NFKB2: variants seen among roughly 807,000 people sequenced by gnomAD.
NFKB2 encodes nuclear factor NF-kappa-B p100 subunit.
Under a neutral mutation model 109.3 loss-of-function variants are expected in NFKB2, and 21 were observed. The ratio of observed to expected loss-of-function variants is 0.19; its 90% CI spans 0.14 to 0.28. The LOEUF is 0.28. NFKB2 is among the 10% of genes least tolerant of loss of function. NFKB2 has a pLI of 1.00. For synonymous variants in NFKB2, 478 were observed against 489.9 expected (o/e 0.98, Z 0.32); for missense variants, 806 against 1,185.3 (o/e 0.68, Z 4.70).
rs962076374 is a variant in NFKB2, at chr10:102,396,576, T to C, written c.144+87T>C. 2.5e-6 allele frequency: 4 copies of C among 1,602,310 alleles called. No homozygotes were observed. In the South Asian group the frequency reaches 3.3e-5, roughly 13 times the overall value. On this transcript the variant is annotated intron_variant, in intron 4 of 22. Transcript: ENST00000661543. This position sits in a 1 kb window ranked among gnomAD's most constrained non-coding sequence, Gnocchi z 5.9. The stretch of plus-strand genomic sequence containing the variant: ...TAGCTGGCTGGCCATGGAGGAGCCA[T>C]TGCCGAAGGAGGCCACAGGGGATTG...
rs367643480 is a variant in NFKB2 at position 102,398,711 on chromosome 10, G to A, written c.992-28G>A. 10 of 1,612,064 alleles carry A rather than the reference G, an allele frequency of 6.2e-6. No homozygotes were observed. Among genetic ancestry groups the A allele is most frequent in the African/African-American group, 1.3e-5 (1 of 74,884 alleles). On this transcript the variant is annotated intron_variant, in intron 11 of 22. Coordinates refer to ENST00000661543, the MANE Select transcript of NFKB2 (RefSeq NM_001322934.2). This position sits in a 1 kb window ranked among gnomAD's most constrained non-coding sequence, Gnocchi z 6.6. ...CCCTGAGGCATGACACAATAACTGG[G>A]CTCAATCTCATTTTCCTCTGCCCCC... is the stretch of plus-strand genomic sequence containing the variant.
In NFKB2 at chr10:102,398,310, A is replaced by AGGGCCC. The variant is rs971747375; in HGVS notation, c.852+24_852+29dup. 12 of 1,614,008 alleles carry AGGGCCC rather than the reference A, an allele frequency of 7.4e-6. No individual in the cohort carries two copies. The highest frequency in any genetic ancestry group is 2.2e-5 in the East Asian group (1 of 44,886). On this transcript the variant is annotated intron_variant, in intron 10 of 22. Transcript: ENST00000661543. The surrounding 1 kb of genome is among the most constrained non-coding windows in gnomAD (Gnocchi z 6.6). ...TGTGCATAAACAGGTACCCAGGGCT[A>AGGGCCC]GGGCCCGGGCCCGGGCTGGGGGCTA... is the stretch of plus-strand genomic sequence containing the variant.
chr10:102,398,720 C>T lies in NFKB2; in HGVS notation c.992-19C>T, dbSNP rs1178607850. 1.2e-6 allele frequency: 2 copies of T among 1,612,194 alleles called. No individual in the cohort carries two copies. The highest frequency in any genetic ancestry group is 1.7e-6 in the Non-Finnish European group (2 of 1,180,006). On this transcript the variant is annotated intron_variant, in intron 11 of 22. Transcript: ENST00000661543. The surrounding 1 kb of genome is among the most constrained non-coding windows in gnomAD (Gnocchi z 6.6). ...ATGACACAATAACTGGGCTCAATCT[C>T]ATTTTCCTCTGCCCCCAGACAAGGA...
At chr10:102,399,251 T>C (rs926565224) in intron 12 of NFKB2, 37 bp from the exon 13 acceptor site, 6 of 1,521,542 alleles carry the variant, frequency 3.9e-6, no homozygotes, top group African/African-American at 2.8e-5. Context: ...GAGTCATGGC[T>C]GGTGCCCGCT....
Position 102,400,965 on chromosome 10 carries a change from G to T in NFKB2, c.1987G>T (p.Ala663Ser), listed in dbSNP as rs759662244. The T allele has an allele frequency of 4.3e-6, 7 of 1,613,550 alleles. No homozygotes were observed. The East Asian group carries it at 6.7e-5, about 15-fold the overall frequency. ...CCCCCAGCTCCGGGCCAACGTGAAC[G>T]CTCGCACCTTTGCGGGAAACACACC... ...LVTKLRANVN[A>S]RTFAGNTPLH... Residue 663 changes from alanine to serine, a missense_variant, in exon 18 of 23, where the codon GCT becomes TCT. Around this residue, in one of 10 missense-constraint regions of NFKB2, gnomAD observed 24 missense variants for 23.5 expected, o/e 1.02. Coordinates refer to ENST00000661543, the MANE Select transcript of NFKB2 (RefSeq NM_001322934.2). This position sits in a 1 kb window ranked among gnomAD's most constrained non-coding sequence, Gnocchi z 6.3.
Position 102,402,440 on chromosome 10 carries a change from C to T in NFKB2, c.*64C>T. ...TACAGCGTCCCCACCTATTTCAAAT[C>T]TTATTTAACACCCCACACCCACCCC... is the stretch of plus-strand genomic sequence containing the variant. On this transcript the variant is annotated 3_prime_UTR_variant, in exon 23 of 23. Transcript: ENST00000661543. The T allele has an allele frequency of 1.1e-6, 1 of 934,702 alleles. No individual in the cohort carries two copies. Among genetic ancestry groups the T allele is most frequent in the Non-Finnish European group, 1.6e-6 (1 of 617,374 alleles). 57.9% of individuals were successfully genotyped at this position (934,702 alleles called of 1,614,324 possible).
Position 102,401,751 on chromosome 10 carries a change from G to A in NFKB2, c.2300G>A (p.Gly767Glu). Reference protein sequence around the residue: ...PLTPPSPAGPGLSLGDTALQN... With the variant: ...PLTPPSPAGPELSLGDTALQN... ...GTATGTGTGTCCCCCTAAGGGCCGG[G>A]ACTGTCACTTGGTGATACAGCTCTG... Residue 767 changes from glycine to glutamate, a missense_variant, in exon 21 of 23, where the codon GGA becomes GAA. Coordinates refer to ENST00000661543, the MANE Select transcript of NFKB2 (RefSeq NM_001322934.2). This position sits in a 1 kb window ranked among gnomAD's most constrained non-coding sequence, Gnocchi z 4.2. The A allele has an allele frequency of 1.2e-6, 2 of 1,601,364 alleles. No individual in the cohort carries two copies. The highest frequency in any genetic ancestry group is 2.2e-5 in the East Asian group (1 of 44,686).
rs2061202547 is a variant in NFKB2, at chr10:102,400,107, G to A, written c.1497G>A (p.Gly499=). ...DTPLHLAIIH[G]QTSVIEQIVY... ...CACTGCACCTAGCCATCATCCACGG[G>A]CAGACCAGTGTCATTGAGCAGATAG... The change falls in exon 15 of 23, where the codon GGG becomes GGA. Residue 499 remains glycine, a synonymous_variant. Coordinates refer to ENST00000661543, the MANE Select transcript of NFKB2 (RefSeq NM_001322934.2). This position sits in a 1 kb window ranked among gnomAD's most constrained non-coding sequence, Gnocchi z 6.3. The A allele has an allele frequency of 1.2e-6, 2 of 1,613,990 alleles. No individual in the cohort carries two copies. Among genetic ancestry groups the A allele is most frequent in the Admixed American group, 1.7e-5 (1 of 59,990 alleles).
upstream of NFKB2, chr10:102,395,632 G>A (rs1481063041): frequency 4.2e-6 from 2 of 477,868 alleles, no homozygotes; most frequent in African/African-American, 1.9e-5. Flanking sequence ...CGGGGCCAGT[G>A]GCGTCATTTC....
Position 102,401,907 on chromosome 10 carries a change from G to T in NFKB2, c.2456G>T (p.Arg819Leu). Residue 819 changes from arginine to leucine, a missense_variant, in exon 21 of 23, where the codon CGC (arginine) becomes CTC (leucine). Transcript: ENST00000661543. This position sits in a 1 kb window ranked among gnomAD's most constrained non-coding sequence, Gnocchi z 4.2. Reference protein sequence around the residue: ...QTTSPSGSLLRSYELAGGDLA... With the variant: ...QTTSPSGSLLLSYELAGGDLA... ...ACCTCACCCAGTGGCAGCCTCCTGC[G>T]CAGCTACGAGGTGGGTTGGCCTGTG... The T allele has an allele frequency of 6.2e-7, 1 of 1,611,616 alleles. No individual in the cohort carries two copies. The highest frequency in any genetic ancestry group is 8.5e-7 in the Non-Finnish European group (1 of 1,178,794).
rs55847683 is a variant in NFKB2 at position 102,399,382 on chromosome 10, G to T, written c.1212G>T (p.Gly404=). Residue 404 remains glycine, a synonymous_variant, in exon 13 of 23, where the codon GGG becomes GGT. Coordinates refer to ENST00000661543, the MANE Select transcript of NFKB2 (RefSeq NM_001322934.2). ...PMGCYPGGGG[G]AQMAATVPSR... ...GCTGCTACCCGGGAGGCGGGGGCGG[G>T]GCGCAGATGGCCGCCACGGTGCCCA... The T allele has an allele frequency of 2.3e-3, 3,513 of 1,544,698 alleles. 115 individuals are homozygous for T. In the East Asian group the frequency reaches 0.068, roughly 30 times the overall value.
Position 102,402,151 on chromosome 10 carries a change from C to G in NFKB2, c.2570C>G (p.Pro857Arg). The stretch of plus-strand genomic sequence containing the variant: ...GGTCCAGAAACCCGAGACAAGCTGC[C>G]CAGCACAGGTAAAGGGGCCTCCCTG... ...LRGPETRDKL[P>R]STAEVKEDSA... Residue 857 changes from proline (P) to arginine (R), a missense_variant, in exon 22 of 23, where the codon CCC becomes CGC. Pro to Arg is a moderately radical substitution (Grantham distance 103). This residue lies in a region of NFKB2 where 211 missense variants were observed against 268.7 expected (regional missense o/e 0.79). Transcript: ENST00000661543. 1 of 1,573,444 alleles carries G rather than the reference C, an allele frequency of 6.4e-7. No individual in the cohort carries two copies. The highest frequency in any genetic ancestry group is 8.6e-7 in the Non-Finnish European group (1 of 1,158,934).
intron 21 of NFKB2, 36 bp from the exon 22 acceptor site, chr10:102,402,012 A>G (rs1338079528): frequency 1.3e-6 from 2 of 1,574,598 alleles, no homozygotes; most frequent in Non-Finnish European, 1.7e-6. Flanking sequence ...CACATGCCCT[A>G]ACCATGACTC....
In NFKB2 at chr10:102,396,765, A is replaced by G; in HGVS notation, c.185A>G (p.His62Arg). The G allele has an allele frequency of 6.2e-7, 1 of 1,613,332 alleles. No homozygotes were observed. Among genetic ancestry groups the G allele is most frequent in the Non-Finnish European group, 8.5e-7 (1 of 1,179,358 alleles). ...RFRYGCEGPS[H>R]GGLPGASSEK... ...CGATATGGCTGTGAAGGCCCCTCCC[A>G]TGGAGGACTGCCCGGTGCCTCCAGT... The change falls in exon 5 of 23, where the codon CAT (histidine) becomes CGT (arginine). Residue 62 changes from histidine (H) to arginine (R), a missense_variant. Physicochemically the swap from His to Arg is conservative, Grantham distance 29. This residue lies in a region of NFKB2 where 24 missense variants were observed against 105.2 expected (regional missense o/e 0.23). Coordinates refer to ENST00000661543, the MANE Select transcript of NFKB2 (RefSeq NM_001322934.2). This position sits in a 1 kb window ranked among gnomAD's most constrained non-coding sequence, Gnocchi z 5.9.
In NFKB2 at chr10:102,396,972, T is replaced by C; in HGVS notation, c.312T>C (p.Ala104=). 4 of 1,613,686 alleles carry C rather than the reference T, an allele frequency of 2.5e-6. No individual in the cohort carries two copies. The highest frequency in any genetic ancestry group is 3.4e-6 in the Non-Finnish European group (4 of 1,179,696). Residue 104 remains alanine (A), a synonymous_variant, in exon 6 of 23, where the codon GCT becomes GCC. Transcript: ENST00000661543. The surrounding 1 kb of genome is among the most constrained non-coding windows in gnomAD (Gnocchi z 5.9). ...DLVTHSDPPR[A]HAHSLVGKQC... is the part of the protein sequence containing the mutation. ...TAACACACAGTGACCCACCTCGTGC[T>C]CATGCCCACAGTCTGGTGGGCAAGC... is the stretch of plus-strand genomic sequence containing the variant.
rs1437879212 is a variant in NFKB2 at position 102,400,835 on chromosome 10, G to A, written c.1968+11G>A. 1 of 1,585,502 alleles carries A rather than the reference G, an allele frequency of 6.3e-7. No homozygotes were observed. Among genetic ancestry groups the A allele is most frequent in the Non-Finnish European group, 8.6e-7 (1 of 1,164,152 alleles). ...CATCTGGTCACCAAGGTGGGACTGA[G>A]GATTGTGGAAGGAGTGGGGCCAAGG... On this transcript the variant is annotated intron_variant, in intron 17 of 22. Coordinates refer to ENST00000661543, the MANE Select transcript of NFKB2 (RefSeq NM_001322934.2). The surrounding 1 kb of genome is among the most constrained non-coding windows in gnomAD (Gnocchi z 6.3).
In NFKB2 at chr10:102,398,774, T is replaced by TTGCCCACCTTCTCCCAGCCC; in HGVS notation, c.1029_1048dup (p.Phe350CysfsTer139). ...GGTGCAGCGGAAGCGGAGGAAGGCC[T>TTGCCCACCTTCTCCCAGCCC]TGCCCACCTTCTCCCAGCCCTTCGG... On this transcript the variant is annotated frameshift_variant, in exon 12 of 23. Transcript: ENST00000661543. LOFTEE classifies it high-confidence loss of function. The surrounding 1 kb of genome is among the most constrained non-coding windows in gnomAD (Gnocchi z 6.6). The TTGCCCACCTTCTCCCAGCCC allele has an allele frequency of 6.2e-7, 1 of 1,612,582 alleles. No homozygotes were observed. The highest frequency in any genetic ancestry group is 8.5e-7 in the Non-Finnish European group (1 of 1,179,864).
At chr10:102,394,440 G>C (rs930982793), upstream of NFKB2, 3 of 152,786 alleles carry the variant, frequency 2.0e-5, no homozygotes, top group African/African-American at 7.2e-5. Flanking sequence ...CAATGAAAAA[G>C]GGCGCGAGGC....
At position 102,401,592 on chromosome 10, in the gene NFKB2, G is replaced by A; in HGVS notation, c.2293+74G>A. The A allele has an allele frequency of 2.6e-6, 4 of 1,564,842 alleles. No individual in the cohort carries two copies. The highest frequency in any genetic ancestry group is 1.7e-6 in the Non-Finnish European group (2 of 1,144,966). The stretch of plus-strand genomic sequence containing the variant: ...AGGTCTCTTCTCCTTCAGGACCTCT[G>A]AAGGAGGCCTCCCTTTCTCTACCCT... On this transcript the variant is annotated intron_variant, in intron 20 of 22. Coordinates refer to ENST00000661543, the MANE Select transcript of NFKB2 (RefSeq NM_001322934.2). The surrounding 1 kb of genome is among the most constrained non-coding windows in gnomAD (Gnocchi z 4.2).
Sources: gnomAD v4.1 joint callset for allele counts on GRCh38, gnomAD v4.1.1 for gene constraint, gnomAD v4.1.1 regional missense constraint, Gnocchi (gnomAD v3.1) non-coding constraint, MANE v1.5 for transcripts, NCBI Gene and HGNC (gene_info 2026-07-23, HGNC 2026-07-21) for gene names.